KIAA0825: variants seen among roughly 807,000 people sequenced by gnomAD.
The protein encoded by KIAA0825 is uncharacterized protein KIAA0825.
A neutral mutation model predicts 147.6 loss-of-function variants in KIAA0825; 119 were observed. The observed-to-expected ratio is 0.81, with a 90% CI of 0.69 to 0.94. The LOEUF is 0.94. Among genes scored for constraint, KIAA0825 ranks in the 40% least tolerant of loss-of-function variants. The probability of loss-of-function intolerance (pLI) is 0.00; values close to 1 mark genes in which losing one functional copy is unlikely to be tolerated. For missense variants in KIAA0825, 1,381 were observed against 1,472.7 expected (o/e 0.94, Z 1.02); for synonymous variants, 470 against 518.1 (o/e 0.91, Z 1.26).
intron 2 of KIAA0825, among the ~76,000 whole-genome samples, chr5:94,550,554 GA>G (rs1395437365): frequency 3.3e-5 from 5 of 152,140 alleles, no homozygotes; most frequent in Admixed American, 1.3e-4. Flanking sequence ...CACATTTGAA[GA>G]AACACAATAA....
intron 9 of KIAA0825, among the ~76,000 whole-genome samples, chr5:94,470,432 T>C (rs1188400285): frequency 6.6e-6 from 1 of 152,214 alleles, no homozygotes; most frequent in Non-Finnish European, 1.5e-5. Context: ...CAGTGCATTA[T>C]TTAGGCATTA....
chr5:94,425,517 T>C (rs1754742916), intron 14 of KIAA0825, among the ~76,000 whole-genome samples: 1 of 152,074 alleles, frequency 6.6e-6, no homozygotes, highest in African/African-American at 2.4e-5. Flanking sequence ...GGTAGGAGGA[T>C]CACTTGCGGC....
At chr5:94,440,425 T>C (rs1317674917) in intron 13 of KIAA0825, among the ~76,000 whole-genome samples, 8 of 152,218 alleles carry the variant, frequency 5.3e-5, no homozygotes, top group South Asian at 2.1e-4. Flanking sequence ...AAATTACTTA[T>C]GCATTTTTTG....
At chr5:94,373,741 G>A (rs866659795) in intron 20 of KIAA0825, among the ~76,000 whole-genome samples, 1 of 152,102 alleles carries the variant, frequency 6.6e-6, no homozygotes, top group Non-Finnish European at 1.5e-5. Flanking sequence ...AAATCATGTC[G>A]ATTATAAATG....
chr5:94,202,767 T>C (rs1267387677), intron 20 of KIAA0825, among the ~76,000 whole-genome samples: 1 of 152,214 alleles, frequency 6.6e-6, no homozygotes, highest in Admixed American at 6.5e-5. Flanking sequence ...CATAGCAGTT[T>C]TGTTGTGAAC....
chr5:94,376,587 A>G (rs1747609241), intron 20 of KIAA0825, among the ~76,000 whole-genome samples: 3 of 152,222 alleles, frequency 2.0e-5, no homozygotes, highest in Non-Finnish European at 4.4e-5. Flanking sequence ...CATTTTAAAT[A>G]CATGTTAGAT....
At position 94,361,247 on chromosome 5, in the gene KIAA0825, T is replaced by C. The variant is rs552327197; in HGVS notation, c.3710+23121A>G. ...AATAATAAAGTGTACCTAAATGTTA[T>C]AATGATAAAGAGAGTCACTGCTTTT... On this transcript the variant is annotated intron_variant, in intron 20 of 20. Transcript: ENST00000682413. Among the ~76,000 whole-genome samples the C allele has an allele frequency of 1.6e-3, 242 of 152,330 alleles. 2 individuals carry two copies. The East Asian group carries it at 0.044, about 27-fold the overall frequency.
chr5:94,415,075 T>G (rs1256297434), intron 15 of KIAA0825: 1 of 152,172 alleles, frequency 6.6e-6, no homozygotes, highest in Admixed American at 6.5e-5. Context: ...CTTGTCCAAC[T>G]TAATTGGTGG....
At chr5:94,491,800 C>T (rs1327615097) in intron 5 of KIAA0825, among the ~76,000 whole-genome samples, 2 of 152,014 alleles carry the variant, frequency 1.3e-5, no homozygotes, top group South Asian at 2.1e-4. Context: ...AGGAGGCTTC[C>T]GTATGTACCA....
chr5:94,178,280 T>G (rs951297061), intron 20 of KIAA0825, among the ~76,000 whole-genome samples: 2 of 152,042 alleles, frequency 1.3e-5, no homozygotes. Context: ...CAGTTAGTCC[T>G]TTCTATCAGT....
chr5:94,310,543 A>G (rs982062446), intron 20 of KIAA0825, among the ~76,000 whole-genome samples: 1 of 151,698 alleles, frequency 6.6e-6, no homozygotes, highest in African/African-American at 2.4e-5. Flanking sequence ...GAATATTAAG[A>G]CATAAAAGTA....
chr5:94,523,237 A>C (rs1313135593), intron 4 of KIAA0825, among the ~76,000 whole-genome samples: 2 of 151,626 alleles, frequency 1.3e-5, no homozygotes, highest in African/African-American at 2.4e-5. Flanking sequence ...AATTAAATTA[A>C]AACCATAGCT....
intron 20 of KIAA0825, among the ~76,000 whole-genome samples, chr5:94,157,683 T>A (rs1303808075): frequency 1.3e-5 from 2 of 150,850 alleles, no homozygotes; most frequent in African/African-American, 4.8e-5. Context: ...AAGACCTTTC[T>A]GTTTTTGCTC....
At chr5:94,295,421 G>T (rs965758012) in intron 20 of KIAA0825, among the ~76,000 whole-genome samples, 2 of 151,978 alleles carry the variant, frequency 1.3e-5, no homozygotes, top group African/African-American at 4.8e-5. Flanking sequence ...GCCTTCTTCT[G>T]TCAATTTGTC....
chr5:94,562,914 T>C (rs1381800820), intron 2 of KIAA0825, among the ~76,000 whole-genome samples: 1 of 152,138 alleles, frequency 6.6e-6, no homozygotes, highest in East Asian at 1.9e-4. Context: ...TAAATAAATT[T>C]TAAATATCTA....
chr5:94,422,931 C>T (rs1754386365), intron 14 of KIAA0825, among the ~76,000 whole-genome samples: 1 of 152,212 alleles, frequency 6.6e-6, no homozygotes, highest in Non-Finnish European at 1.5e-5. Context: ...TCTCACCCCA[C>T]TTCTCATTTT....
chr5:94,317,914 CAT>C (rs1333351061), intron 20 of KIAA0825, among the ~76,000 whole-genome samples: 1 of 151,550 alleles, frequency 6.6e-6, no homozygotes, highest in Non-Finnish European at 1.5e-5. Flanking sequence ...TACAATGCCT[CAT>C]GTTAAAATAT....
At chr5:94,313,092 A>G (rs963395491) in intron 20 of KIAA0825, among the ~76,000 whole-genome samples, 1 of 151,712 alleles carries the variant, frequency 6.6e-6, no homozygotes, top group African/African-American at 2.4e-5. Flanking sequence ...ATAAATATAA[A>G]TTTTGGAACA....
At chr5:94,563,489 T>TAG (rs1777964554) in intron 2 of KIAA0825, among the ~76,000 whole-genome samples, 7 of 152,156 alleles carry the variant, frequency 4.6e-5, no homozygotes, top group Admixed American at 2.6e-4. Context: ...TAGATCAATA[T>TAG]GCCCTTGTAC....
Sources: gnomAD v4.1 joint callset for allele counts (sites outside exome capture counted in the v4.1 genomes callset) on GRCh38, gnomAD v4.1.1 for gene constraint, MANE v1.5 for transcripts, NCBI Gene and HGNC (gene_info 2026-07-23, HGNC 2026-07-21) for gene names.